LRMDA: variants seen among roughly 807,000 people sequenced by gnomAD.
LRMDA encodes leucine-rich melanocyte differentiation-associated protein.
LRMDA carries 18 observed loss-of-function variants against 29.8 expected under a neutral mutation model. That is an observed-to-expected ratio of 0.60 (90% CI 0.42 to 0.90). LRMDA has a LOEUF of 0.90. Among genes scored for constraint, LRMDA ranks in the 40% least tolerant of loss-of-function variants. The probability of loss-of-function intolerance (pLI) is 0.00; values close to 1 mark genes in which losing one functional copy is unlikely to be tolerated. For missense variants in LRMDA, 273 were observed against 273.9 expected (o/e 1.00, Z 0.02); for synonymous variants, 125 against 109.4 (o/e 1.14, Z -0.89).
intron 2 of LRMDA, among the ~76,000 whole-genome samples, chr10:75,644,807 A>G (rs1283273808): frequency 6.6e-6 from 1 of 152,180 alleles, no homozygotes; most frequent in African/African-American, 2.4e-5. Context: ...CATGAATGAG[A>G]ACTGCAAAGA....
intron 2 of LRMDA, among the ~76,000 whole-genome samples, chr10:75,713,254 C>T (rs1439727884): frequency 1.3e-5 from 2 of 152,132 alleles, no homozygotes; most frequent in Non-Finnish European, 2.9e-5. Flanking sequence ...AAAGGTGGAT[C>T]TTTAATGTAT....
chr10:76,096,575 A>C (rs532563223), intron 5 of LRMDA, among the ~76,000 whole-genome samples: 1 of 152,058 alleles, frequency 6.6e-6, no homozygotes, highest in Non-Finnish European at 1.5e-5. Context: ...TTTTTGACAA[A>C]TTATTTTGGG....
At chr10:75,679,611 A>G (rs1842000928) in intron 2 of LRMDA, among the ~76,000 whole-genome samples, 1 of 152,206 alleles carries the variant, frequency 6.6e-6, no homozygotes, top group African/African-American at 2.4e-5. Context: ...GTGTACATGC[A>G]TGGCATTTTG....
chr10:76,200,109 G>A (rs934929647), intron 5 of LRMDA, among the ~76,000 whole-genome samples: 4 of 152,024 alleles, frequency 2.6e-5, no homozygotes, highest in African/African-American at 9.7e-5. Flanking sequence ...CTATAGGCGT[G>A]TGCCACCAAG....
intron 2 of LRMDA, among the ~76,000 whole-genome samples, chr10:75,931,933 T>G (rs566323568): frequency 6.6e-6 from 1 of 152,200 alleles, no homozygotes; most frequent in Non-Finnish European, 1.5e-5. Flanking sequence ...GTCAAAGCTA[T>G]GTTAGGTCAC....
chr10:75,678,155 C>T (rs975943401), intron 2 of LRMDA, among the ~76,000 whole-genome samples: 2 of 152,104 alleles, frequency 1.3e-5, no homozygotes, highest in East Asian at 1.9e-4. Flanking sequence ...CATACCTGCA[C>T]GTATATAGCT....
chr10:76,300,654 G>A (rs939758137), intron 5 of LRMDA, among the ~76,000 whole-genome samples: 2 of 152,146 alleles, frequency 1.3e-5, no homozygotes, highest in African/African-American at 4.8e-5. Flanking sequence ...TCTTCTATGG[G>A]CATTTGCCCC....
chr10:75,646,975 A>G (rs1372910768), intron 2 of LRMDA, among the ~76,000 whole-genome samples: 3 of 152,228 alleles, frequency 2.0e-5, no homozygotes, highest in Non-Finnish European at 4.4e-5. Flanking sequence ...GAAATATGTT[A>G]TGGCAGAAAG....
intron 5 of LRMDA, among the ~76,000 whole-genome samples, chr10:76,068,104 C>T (rs1242546363): frequency 6.6e-6 from 1 of 152,168 alleles, no homozygotes; most frequent in African/African-American, 2.4e-5. Flanking sequence ...AATTCCATGG[C>T]TAAGGAAGAA....
chr10:76,320,550 CA>C (rs1840758315), intron 5 of LRMDA, among the ~76,000 whole-genome samples: 1 of 152,126 alleles, frequency 6.6e-6, no homozygotes, highest in Non-Finnish European at 1.5e-5. Flanking sequence ...ATTTTTCTCT[CA>C]TTGTGGGTTC....
chr10:75,719,671 G>A lies in LRMDA; in HGVS notation c.131+281177G>A, dbSNP rs186529596. Among the ~76,000 whole-genome samples, 776 of 152,314 alleles carry A rather than the reference G, an allele frequency of 5.1e-3. 10 individuals carry two copies. The highest frequency in any genetic ancestry group is 0.018 in the African/African-American group (745 of 41,570). On this transcript the variant is annotated intron_variant, in intron 2 of 6. Coordinates refer to ENST00000611255, the MANE Select transcript of LRMDA (RefSeq NM_001305581.2). ...GATGTTGAGGGAGAAGGTAGGGTTT[G>A]CACAGCATTGTGGGATTGTGGGCTG...
At chr10:75,850,478 A>C (rs1844713463) in intron 2 of LRMDA, among the ~76,000 whole-genome samples, 1 of 152,134 alleles carries the variant, frequency 6.6e-6, no homozygotes, top group Non-Finnish European at 1.5e-5. Flanking sequence ...CTTTCTTCTC[A>C]GTTTTTAAGC....
At chr10:75,815,982 G>T (rs1006203846) in intron 2 of LRMDA, among the ~76,000 whole-genome samples, 1 of 152,172 alleles carries the variant, frequency 6.6e-6, no homozygotes, top group African/African-American at 2.4e-5. Context: ...ACTGAAATTT[G>T]AACCTAGGCA....
intron 6 of LRMDA, among the ~76,000 whole-genome samples, chr10:76,380,448 T>A (rs1317061917): frequency 6.6e-6 from 1 of 151,994 alleles, no homozygotes; most frequent in Non-Finnish European, 1.5e-5. Context: ...GGCAGGCGGA[T>A]CACAAGGTCA....
chr10:76,515,154 T>G (rs918612929), intron 6 of LRMDA, among the ~76,000 whole-genome samples: 10 of 152,224 alleles, frequency 6.6e-5, no homozygotes, highest in African/African-American at 2.2e-4. Context: ...ATGTGCTGTT[T>G]CTGCTTCTGT....
intron 5 of LRMDA, among the ~76,000 whole-genome samples, chr10:76,130,140 T>C (rs2132134997): frequency 6.6e-6 from 1 of 151,978 alleles, no homozygotes; most frequent in South Asian, 2.1e-4. Context: ...TGGACACTTC[T>C]TGACTACTGT....
chr10:75,517,972 T>C (rs1310412225), intron 2 of LRMDA, among the ~76,000 whole-genome samples: 1 of 152,232 alleles, frequency 6.6e-6, no homozygotes, highest in Non-Finnish European at 1.5e-5. Context: ...GTTTTTGTCT[T>C]TGGTTCTGTT....
Position 76,037,487 on chromosome 10 carries a change from G to A in LRMDA, c.258+1353G>A, listed in dbSNP as rs536045661. ...CTACTGTTTATACTTCAAGCCATAAGTTAATGTTTTCTTTATTCTCTCAGA... is the reference window on the plus strand; with the variant it reads ...CTACTGTTTATACTTCAAGCCATAAATTAATGTTTTCTTTATTCTCTCAGA... On this transcript the variant is annotated intron_variant, in intron 3 of 6. Coordinates refer to ENST00000611255, the MANE Select transcript of LRMDA (RefSeq NM_001305581.2). Among the ~76,000 whole-genome samples, 304 of 152,362 alleles carry A rather than the reference G, an allele frequency of 2.0e-3. 2 individuals carry two copies. Among genetic ancestry groups the A allele is most frequent in the Middle Eastern group, 6.8e-3 (2 of 294 alleles).
intron 5 of LRMDA, among the ~76,000 whole-genome samples, chr10:76,265,170 G>A (rs942894001): frequency 1.3e-5 from 2 of 152,204 alleles, no homozygotes; most frequent in East Asian, 1.9e-4. Context: ...GCAGGAAATT[G>A]TTGATCCGGT....
Sources: gnomAD v4.1 joint callset for allele counts (sites outside exome capture counted in the v4.1 genomes callset) on GRCh38, gnomAD v4.1.1 for gene constraint, MANE v1.5 for transcripts, NCBI Gene and HGNC (gene_info 2026-07-23, HGNC 2026-07-21) for gene names.